Variants in USH2A observed in about 807,000 individuals in gnomAD.
USH2A encodes Usher syndrome 2A (autosomal recessive, mild).
Under a neutral mutation model 538.9 loss-of-function variants are expected in USH2A, and 443 were observed. That is an observed-to-expected ratio of 0.82 (90% CI 0.76 to 0.89). USH2A has a LOEUF of 0.89. USH2A is among the 40% of genes least tolerant of loss of function. USH2A has a pLI of 0.00. For missense variants in USH2A, 6,633 were observed against 6,324.8 expected, an observed-to-expected ratio of 1.05 and a Z score of -1.65; for synonymous variants, 2,413 against 2,273.5, an observed-to-expected ratio of 1.06 and a Z score of -1.75.
chr1:215,965,376 C>T lies in USH2A; in HGVS notation c.7061G>A (p.Arg2354His), dbSNP rs201386640. ...KAHVRWEAPF[R>H]PNGLLTHSVL... ...TGAGTGTGTTAAGAGTCCATTAGGG[C>T]GAAAAGGTGCTTCCCACCTCACGTG... The change falls in exon 37 of 72, where the codon CGC becomes CAC. Residue 2354 changes from arginine (R) to histidine (H), a missense_variant. Transcript: ENST00000307340. 97 of 1,613,808 alleles carry T rather than the reference C, an allele frequency of 6.0e-5. No individual in the cohort carries two copies. The highest frequency in any genetic ancestry group is 1.3e-4 in the Admixed American group (8 of 59,980).
intron 38 of USH2A, among the ~76,000 whole-genome samples, chr1:215,929,215 A>G (rs953336178): frequency 6.6e-6 from 1 of 152,164 alleles, no homozygotes; most frequent in African/African-American, 2.4e-5. Context: ...AGTCATAATT[A>G]TATTTAATAA....
chr1:216,215,491 C>T (rs906677242), intron 15 of USH2A, among the ~76,000 whole-genome samples: 5 of 152,020 alleles, frequency 3.3e-5, no homozygotes. Flanking sequence ...GACCCTTCAT[C>T]CTCATCCCAC....
chr1:216,118,982 G>A (rs1208839827), intron 21 of USH2A, among the ~76,000 whole-genome samples: 8 of 152,318 alleles, frequency 5.3e-5, no homozygotes, highest in East Asian at 3.9e-4. Context: ...ACTGAATGCC[G>A]CAAGTGTGCA....
chr1:216,243,496 G>C (rs1304821553), intron 13 of USH2A, among the ~76,000 whole-genome samples: 1 of 152,136 alleles, frequency 6.6e-6, no homozygotes, highest in Non-Finnish European at 1.5e-5. Context: ...TTGATATTCA[G>C]ATAGAGCATC....
At position 216,217,519 on chromosome 1, in the gene USH2A, C is replaced by T. The variant is rs756977189; in HGVS notation, c.3025G>A (p.Ala1009Thr). 7.4e-6 allele frequency: 12 copies of T among 1,612,982 alleles called. No homozygotes were observed. The African/African-American group carries it at 1.1e-4, about 14-fold the overall frequency. The change falls in exon 15 of 72, where the codon GCC becomes ACC. Residue 1009 changes from alanine (A) to threonine (T), a missense_variant. By Grantham distance (58) the Ala-to-Thr change is moderately conservative. Transcript: ENST00000307340. ...CQPCNCHLSG[A>T]LNETCHLVTG... Reference sequence around the variant, plus strand: ...ACCAAGTGACAGGTTTCATTCAAGGCTCCTGAGAGATGACAATTACAAGGC... The same window carrying T: ...ACCAAGTGACAGGTTTCATTCAAGGTTCCTGAGAGATGACAATTACAAGGC...
chr1:216,292,593 G>T (rs2102611457), intron 9 of USH2A, among the ~76,000 whole-genome samples: 1 of 152,210 alleles, frequency 6.6e-6, no homozygotes, highest in Non-Finnish European at 1.5e-5. Context: ...CATGGAAAAT[G>T]ATCTTTTTTT....
chr1:215,828,706 C>G (rs1663227491), intron 47 of USH2A, among the ~76,000 whole-genome samples: 1 of 152,092 alleles, frequency 6.6e-6, no homozygotes, highest in African/African-American at 2.4e-5. Flanking sequence ...TGCCATGGTT[C>G]CAATTAAAGA....
chr1:216,228,241 C>T (rs2035599216), intron 14 of USH2A, among the ~76,000 whole-genome samples: 1 of 151,918 alleles, frequency 6.6e-6, no homozygotes, highest in African/African-American at 2.4e-5. Context: ...AAATGGGTTG[C>T]TGGAGTGGGG....
At chr1:215,920,092 A>AC (rs35745294) in intron 38 of USH2A, among the ~76,000 whole-genome samples, 108,150 of 151,886 alleles carry the variant, frequency 0.71, 38,582 homozygotes, top group East Asian at 0.8. Flanking sequence ...TGAGAAAAAA[A>AC]ATGTACATTT....
At chr1:216,025,468 C>T (rs567111073) in intron 32 of USH2A, among the ~76,000 whole-genome samples, 199 of 151,910 alleles carry the variant, frequency 1.3e-3, no homozygotes, top group Non-Finnish European at 2.3e-3. Context: ...TTAGTATTTT[C>T]GAGCTAATTT....
At chr1:216,148,064 G>C (rs1312096865) in intron 21 of USH2A, among the ~76,000 whole-genome samples, 1 of 151,398 alleles carries the variant, frequency 6.6e-6, no homozygotes, top group Admixed American at 6.6e-5. Flanking sequence ...CATCACGGAC[G>C]CCGAGCTTCG....
chr1:215,872,891 C>T (rs1664660137), intron 43 of USH2A, among the ~76,000 whole-genome samples: 1 of 152,022 alleles, frequency 6.6e-6, no homozygotes. Flanking sequence ...TGTGACATAC[C>T]TGCTCCCTTT....
In USH2A at chr1:215,934,678, T is replaced by G. The variant is rs780840434; in HGVS notation, c.7238A>C (p.Asn2413Thr). The G allele has an allele frequency of 5.6e-6, 9 of 1,612,742 alleles. No homozygotes were observed. Among genetic ancestry groups the G allele is most frequent in the African/African-American group, 1.3e-5 (1 of 74,842 alleles). Residue 2413 changes from asparagine to threonine, a missense_variant, in exon 38 of 72, where the codon AAT becomes ACT. Asn to Thr is a moderately conservative substitution (Grantham distance 65). Transcript: ENST00000307340. ...VPFTNYTVQV[N>T]ISNSQGSLIT... ...CAAGCTGCCTTGGCTATTTGAAATA[T>G]TCACTTGTACAGTATAGTTGGTAAA...
intron 11 of USH2A, among the ~76,000 whole-genome samples, chr1:216,276,531 A>C (rs2036673408): frequency 6.6e-6 from 1 of 152,116 alleles, no homozygotes; most frequent in African/African-American, 2.4e-5. Context: ...TGGTTTAGTG[A>C]GTGAGGAATG....
chr1:216,029,351 T>A (rs578172344), intron 32 of USH2A, among the ~76,000 whole-genome samples: 1 of 152,194 alleles, frequency 6.6e-6, no homozygotes, highest in South Asian at 2.1e-4. Context: ...TTGAAGATAT[T>A]CTCCTATTGA....
intron 30 of USH2A, among the ~76,000 whole-genome samples, chr1:216,062,424 G>C (rs567053783): frequency 2.2e-3 from 332 of 152,196 alleles, no homozygotes; most frequent in Non-Finnish European, 3.9e-3. Flanking sequence ...AGAATCAACA[G>C]TGCAAAAATC....
At chr1:215,812,435 C>T (rs955234356) in intron 49 of USH2A, among the ~76,000 whole-genome samples, 5 of 152,140 alleles carry the variant, frequency 3.3e-5, no homozygotes, top group African/African-American at 1.2e-4. Flanking sequence ...AAGATGAACC[C>T]ATCAGGTGAT....
chr1:215,633,637 A>G (rs921787694), intron 70 of USH2A, among the ~76,000 whole-genome samples: 2 of 152,094 alleles, frequency 1.3e-5, no homozygotes, highest in Admixed American at 6.5e-5. Flanking sequence ...GCTAATATAG[A>G]ACCTTAGTGC....
chr1:215,843,148 A>G (rs1663732034), intron 46 of USH2A, among the ~76,000 whole-genome samples: 1 of 152,182 alleles, frequency 6.6e-6, no homozygotes, highest in South Asian at 2.1e-4. Flanking sequence ...CAGGAAAAGG[A>G]GATGGAAACC....
Sources: gnomAD v4.1 joint callset for allele counts (sites outside exome capture counted in the v4.1 genomes callset) on GRCh38, gnomAD v4.1.1 for gene constraint, MANE v1.5 for transcripts, NCBI Gene and HGNC (gene_info 2026-07-23, HGNC 2026-07-21) for gene names.